Variants in ACIN1 observed in about 807,000 individuals in gnomAD.
ACIN1 encodes the protein apoptotic chromatin condensation inducer in the nucleus.
Under a neutral mutation model 146.6 loss-of-function variants are expected in ACIN1, and 16 were observed. The ratio of observed to expected loss-of-function variants is 0.11; its 90% CI spans 0.07 to 0.17. ACIN1 has a LOEUF of 0.17. Ranked by LOEUF, ACIN1 falls within the 10% of genes least tolerant of loss-of-function variation. The pLI is 1.00. For missense variants in ACIN1, 1,357 were observed against 1,609.3 expected, an observed-to-expected ratio of 0.84 and a Z score of 2.68; for synonymous variants, 569 against 582.7, an observed-to-expected ratio of 0.98 and a Z score of 0.34.
chr14:23,074,382 A>T (rs1456563288), intron 8 of ACIN1, among the ~76,000 whole-genome samples: 1 of 151,924 alleles, frequency 6.6e-6, no homozygotes, highest in Non-Finnish European at 1.5e-5. Context: ...CCTGGCCAAC[A>T]TGGTGAAACC....
At chr14:23,095,505 G>A (rs1057398249), upstream of ACIN1, 9 of 603,856 alleles carry the variant, frequency 1.5e-5, no homozygotes, top group Admixed American at 2.8e-4. Flanking sequence ...CCGGAAGTGC[G>A]TGGGCTGCCG....
At chr14:23,090,693 G>T (rs74605075) in intron 2 of ACIN1, 60 bp from the exon 3 acceptor site, 21,396 of 1,351,090 alleles carry the variant, frequency 0.016, 211 homozygotes, top group Non-Finnish European at 0.019. Context: ...ATGCAAAGAA[G>T]AACATTCCAT....
intron 18 of ACIN1, 22 bp downstream of exon 18, chr14:23,061,062 G>A: frequency 1.2e-6 from 2 of 1,608,568 alleles, no homozygotes; most frequent in Non-Finnish European, 1.7e-6. Flanking sequence ...CTAGGGAGCA[G>A]GGCACGAAGA....
In ACIN1 at chr14:23,068,707, A is replaced by G; in HGVS notation, c.2265+769T>C. 1.0e-6 allele frequency: 1 copy of G among 985,694 alleles called. No homozygotes were observed. Among genetic ancestry groups the G allele is most frequent in the Non-Finnish European group, 1.2e-6 (1 of 829,970 alleles). 61.1% of individuals were successfully genotyped at this position (985,694 alleles called of 1,614,324 possible). ...GTTTTACGGGGAAGAAGGACCTTGT[A>G]ATAAATAATATTCTGCACATCAAAT... On this transcript the variant is annotated intron_variant, in intron 9 of 18. Coordinates refer to ENST00000605057, the MANE Select transcript of ACIN1 (RefSeq NM_001386863.1). The surrounding 1 kb of genome is among the most constrained non-coding windows in gnomAD (Gnocchi z 4.3).
chr14:23,061,511 G>T lies in ACIN1; in HGVS notation c.3211C>A (p.Gln1071Lys). 6.2e-7 allele frequency: 1 copy of T among 1,609,700 alleles called. No homozygotes were observed. ...PPPPPPVQPPQHPRAEQREQE... is the reference protein window; with the variant it reads ...PPPPPPVQPPKHPRAEQREQE... The stretch of plus-strand genomic sequence containing the variant: ...TCCCGCTGCTCTGCCCGGGGGTGCT[G>T]TGGTGGCTGGACCGGGGGTGGGGGT... Residue 1071 changes from glutamine (Q) to lysine (K), a missense_variant, in exon 17 of 19, where the codon CAG (glutamine) becomes AAG (lysine). Gln to Lys is a moderately conservative substitution (Grantham distance 53, BLOSUM62 1). Around this residue, in one of 4 missense-constraint regions of ACIN1, gnomAD observed 509 missense variants for 719.6 expected, o/e 0.71. Coordinates refer to ENST00000605057, the MANE Select transcript of ACIN1 (RefSeq NM_001386863.1).
chr14:23,076,655 T>A (rs150839308), intron 8 of ACIN1: 1 of 152,222 alleles, frequency 6.6e-6, no homozygotes, highest in African/African-American at 2.4e-5. Context: ...CTTCCCAAGG[T>A]GCATCGGAAG....
intron 4 of ACIN1, among the ~76,000 whole-genome samples, chr14:23,085,359 C>CAACAACAACAAG (rs1157938751): frequency 9.9e-5 from 15 of 152,108 alleles, no homozygotes; most frequent in African/African-American, 3.4e-4. Context: ...ACAAGAACAA[C>CAACAACAACAAG]AACAACAAAG....
intron 4 of ACIN1, among the ~76,000 whole-genome samples, chr14:23,089,144 G>T (rs886860526): frequency 1.3e-5 from 2 of 152,260 alleles, no homozygotes; most frequent in Middle Eastern, 3.4e-3. Context: ...GGGTTCAAGC[G>T]ATTCTCCTGC....
chr14:23,071,183 C>T (rs1243409443), intron 8 of ACIN1: 1 of 1,536,706 alleles, frequency 6.5e-7, no homozygotes, highest in Non-Finnish European at 8.7e-7. Flanking sequence ...CTGTTTATCC[C>T]TTTCTGGAAT....
chr14:23,070,989 A>G lies in ACIN1; in HGVS notation c.2124-1372T>C, dbSNP rs2047627108. On this transcript the variant is annotated intron_variant, in intron 8 of 18. Transcript: ENST00000605057. ...GGGGCCAATTAGAAACTGGGCAGGC[A>G]GGACAAAGGGGGAAGGCAGAATGAC... is the stretch of plus-strand genomic sequence containing the variant. 3.1e-6 allele frequency: 3 copies of G among 983,168 alleles called. No individual in the cohort carries two copies. In the South Asian group the frequency reaches 4.6e-5, roughly 15 times the overall value. The allele number at this position is 983,168 out of a possible 1,614,324, so 60.9% of individuals were successfully genotyped here.
At chr14:23,075,325 T>TTG (rs201728975) in intron 8 of ACIN1, among the ~76,000 whole-genome samples, 4,092 of 137,488 alleles carry the variant, frequency 0.03, 177 homozygotes, top group African/African-American at 0.1. Flanking sequence ...TTCTTCCCCT[T>TTG]TTTTTTTTTT....
At chr14:23,091,771 G>A (rs2048235991) in intron 2 of ACIN1, among the ~76,000 whole-genome samples, 1 of 151,938 alleles carries the variant, frequency 6.6e-6, no homozygotes. Flanking sequence ...TTACAGACAT[G>A]TGCCACCACA....
intron 15 of ACIN1, 31 bp downstream of exon 15, chr14:23,062,385 A>C: frequency 1.2e-6 from 2 of 1,611,432 alleles, no homozygotes. Flanking sequence ...AATATATGCC[A>C]TGACCTATAG....
rs114222189 is a variant in ACIN1, at chr14:23,079,771, G to A, written c.1564C>T (p.Arg522Trp). ...LKQSADSSSS[R>W]SSSSSSSSSR... ...CTGGAGGAGGAAGATGAGGAGGACCGGCTAGAGGATGAATCAGCTGACTGT... is the reference window on the plus strand; with the variant it reads ...CTGGAGGAGGAAGATGAGGAGGACCAGCTAGAGGATGAATCAGCTGACTGT... The change falls in exon 6 of 19, where the codon CGG (arginine) becomes TGG (tryptophan). Residue 522 changes from arginine (R) to tryptophan (W), a missense_variant. Around this residue, in one of 4 missense-constraint regions of ACIN1, gnomAD observed 771 missense variants for 746.6 expected, o/e 1.03. Transcript: ENST00000605057. 8.9e-5 allele frequency: 144 copies of A among 1,614,158 alleles called. No individual in the cohort carries two copies. In the African/African-American group the frequency reaches 9.3e-4, roughly 10 times the overall value.
chr14:23,093,433 T>A (rs1173569065), intron 2 of ACIN1, 46 bp downstream of exon 2: 21 of 1,556,508 alleles, frequency 1.3e-5, no homozygotes, highest in Non-Finnish European at 1.8e-5. Context: ...TCCATGTGTC[T>A]GGATATCCAA....
In ACIN1 at chr14:23,079,948, C is replaced by G. The variant is rs745495613; in HGVS notation, c.1387G>C (p.Glu463Gln). The G allele has an allele frequency of 1.7e-5, 28 of 1,614,008 alleles. No homozygotes were observed. In the Admixed American group the frequency reaches 4.0e-4, roughly 23 times the overall value. The change falls in exon 6 of 19, where the codon GAG becomes CAG. Residue 463 changes from glutamate (E) to glutamine (Q), a missense_variant. By Grantham distance (29) the Glu-to-Gln change is conservative (BLOSUM62 2). Coordinates refer to ENST00000605057, the MANE Select transcript of ACIN1 (RefSeq NM_001386863.1). ...AGGGGCTGAGCAGATCTGTCTGACT[C>G]AGGTTCAAGATCCTTCTGGGCTGAG... is the stretch of plus-strand genomic sequence containing the variant. The part of the protein sequence containing the change: ...DYSAQKDLEP[E>Q]SDRSAQPLPL...
rs773792489 is a variant in ACIN1, at chr14:23,078,177, T to C, written c.2097A>G (p.Pro699=). 1.2e-6 allele frequency: 2 copies of C among 1,614,246 alleles called. No homozygotes were observed. Among genetic ancestry groups the C allele is most frequent in the East Asian group, 2.2e-5 (1 of 44,894 alleles). The stretch of plus-strand genomic sequence containing the variant: ...CAGTGTGATGAATTCTTTCTGATTC[T>C]GGCAGATGAGAGGTCTGAGTCTCTG... ...QTSETQTSHL[P]ESERIHHTVE... Residue 699 remains proline (P), a synonymous_variant, in exon 8 of 19, where the codon CCA becomes CCG. Transcript: ENST00000605057.
At chr14:23,074,555 ACT>A (rs2047750952) in intron 8 of ACIN1, among the ~76,000 whole-genome samples, 1 of 151,956 alleles carries the variant, frequency 6.6e-6, no homozygotes, top group African/African-American at 2.4e-5. Flanking sequence ...ACAGAGTGAG[ACT>A]CTGTCTCCAA....
At chr14:23,078,453 G>T (rs188236315) in intron 7 of ACIN1, among the ~76,000 whole-genome samples, 187 bp from the exon 8 acceptor site, 311 of 152,286 alleles carry the variant, frequency 2.0e-3, no homozygotes, top group Non-Finnish European at 3.4e-3. Flanking sequence ...GGTACTTCAA[G>T]AATATTTATG....
Sources: allele counts gnomAD v4.1 joint callset (sites outside exome capture counted in the v4.1 genomes callset), GRCh38; gene constraint gnomAD v4.1.1; regional missense constraint gnomAD v4.1.1; non-coding constraint Gnocchi (gnomAD v3.1); transcripts MANE v1.5; gene names NCBI Gene and HGNC (gene_info 2026-07-23, HGNC 2026-07-21).